The following LARP1 variants were observed in gnomAD, a reference collection of about 807,000 sequenced individuals.
LARP1 encodes La ribonucleoprotein 1, translational regulator, also known as la-related protein 1.
LARP1 carries 36 observed loss-of-function variants against 122.7 expected under a neutral mutation model. That is an observed-to-expected ratio of 0.29 (90% CI 0.22 to 0.39). LARP1 has a LOEUF of 0.39. LARP1 is among the 10% of genes least tolerant of loss of function. The pLI is 1.00. For synonymous variants in LARP1, 539 were observed against 528.7 expected, an observed-to-expected ratio of 1.02 and a Z score of -0.27; for missense variants, 1,040 against 1,403.6, an observed-to-expected ratio of 0.74 and a Z score of 4.14.
At chr5:154,692,215 G>C (rs4958384) in intron 1 of LARP1, among the ~76,000 whole-genome samples, 101,297 of 152,096 alleles carry the variant, frequency 0.67, 33,991 homozygotes, top group Non-Finnish European at 0.7. Flanking sequence ...CCAGTTTCGC[G>C]TTCTTCCCTC....
chr5:154,811,771 C>T, intron 18 of LARP1, 131 bp downstream of exon 18: 1 of 1,132,554 alleles, frequency 8.8e-7, no homozygotes, highest in Non-Finnish European at 1.3e-6. Flanking sequence ...ACAATTTGGG[C>T]TTTGCTTTTT....
intron 1 of LARP1, among the ~76,000 whole-genome samples, chr5:154,728,949 C>T (rs1218925445): frequency 6.6e-6 from 1 of 152,176 alleles, no homozygotes; most frequent in East Asian, 1.9e-4. Flanking sequence ...AATGGGCCCT[C>T]TCAGGTGCCA....
At chr5:154,728,821 C>T (rs1299854190) in intron 1 of LARP1, among the ~76,000 whole-genome samples, 2 of 152,128 alleles carry the variant, frequency 1.3e-5, no homozygotes, top group Non-Finnish European at 2.9e-5. Context: ...AGGAAGAGCT[C>T]GTTCAGGGCT....
intron 1 of LARP1, among the ~76,000 whole-genome samples, chr5:154,703,186 C>T (rs1754802055): frequency 6.6e-6 from 1 of 151,072 alleles, no homozygotes; most frequent in Non-Finnish European, 1.5e-5. Context: ...GCCTGCTTTC[C>T]CTCATTTTGT....
chr5:154,786,821 G>A (rs1756924342), intron 1 of LARP1: 2 of 172,386 alleles, frequency 1.2e-5, no homozygotes, highest in Non-Finnish European at 1.3e-5. Flanking sequence ...TCTGGCCTCA[G>A]TTCCCTGTCT....
chr5:154,686,918 A>G (rs1430710380), intron 1 of LARP1, among the ~76,000 whole-genome samples: 1 of 152,244 alleles, frequency 6.6e-6, no homozygotes, highest in Non-Finnish European at 1.5e-5. Context: ...CTTCAGGCCA[A>G]GAAGGCTGGT....
chr5:154,728,054 T>A (rs1048158998), intron 1 of LARP1, among the ~76,000 whole-genome samples: 2 of 151,964 alleles, frequency 1.3e-5, no homozygotes, highest in African/African-American at 4.8e-5. Flanking sequence ...GACAACAGAG[T>A]GAAACTGTGT....
chr5:154,758,833 C>T lies in LARP1; in HGVS notation c.436+2640C>T, dbSNP rs1298929134. Among the ~76,000 whole-genome samples, 3 of 152,274 alleles carry T rather than the reference C, an allele frequency of 2.0e-5. No homozygotes were observed. In the East Asian group the frequency reaches 5.8e-4, roughly 29 times the overall value. On this transcript the variant is annotated intron_variant, in intron 1 of 18. Coordinates refer to ENST00000518297, the MANE Select transcript of LARP1 (RefSeq NM_033551.3). ...CAGTAACTAGTAATAAAATATGTTT[C>T]GTGATATCTCTACTTTCTTGTGGGG...
intron 1 of LARP1, among the ~76,000 whole-genome samples, chr5:154,706,316 T>G (rs1317630036): frequency 1.3e-5 from 2 of 148,722 alleles, no homozygotes; most frequent in Non-Finnish European, 3.0e-5. Context: ...ATAATAATAA[T>G]AATAATAATA....
At chr5:154,778,635 C>T (rs1421569495) in intron 1 of LARP1, among the ~76,000 whole-genome samples, 2 of 152,172 alleles carry the variant, frequency 1.3e-5, no homozygotes, top group South Asian at 2.1e-4. Flanking sequence ...GGATTCTGCC[C>T]ACCCCTACCA....
chr5:154,703,765 C>T (rs528563452), intron 1 of LARP1, among the ~76,000 whole-genome samples: 7 of 152,084 alleles, frequency 4.6e-5, no homozygotes, highest in Admixed American at 1.3e-4. Flanking sequence ...GGATTACAGG[C>T]GCCCACCACC....
At chr5:154,773,734 G>A (rs1217383898) in intron 1 of LARP1, among the ~76,000 whole-genome samples, 2 of 152,174 alleles carry the variant, frequency 1.3e-5, no homozygotes, top group African/African-American at 4.8e-5. Flanking sequence ...ATGGAGGGTG[G>A]GCAAAGGCCT....
At chr5:154,764,955 G>T (rs1418696622) in intron 1 of LARP1, among the ~76,000 whole-genome samples, 1 of 151,440 alleles carries the variant, frequency 6.6e-6, no homozygotes, top group African/African-American at 2.4e-5. Flanking sequence ...AGATCTAAAT[G>T]CTTGTACCGC....
At chr5:154,789,464 A>T (rs2113762478) in intron 1 of LARP1, among the ~76,000 whole-genome samples, 1 of 151,940 alleles carries the variant, frequency 6.6e-6, no homozygotes, top group East Asian at 2.0e-4. Context: ...CGGGTGATCC[A>T]CCTGCCTTGG....
Position 154,814,707 on chromosome 5 carries a change from T to G in LARP1, c.*611T>G, listed in dbSNP as rs2113075402. On this transcript the variant is annotated 3_prime_UTR_variant, in exon 19 of 19. Coordinates refer to ENST00000518297, the MANE Select transcript of LARP1 (RefSeq NM_033551.3). ...AGAAGGAAACCAAAGGATCTAAAAC[T>G]GGGGTTTGGGGGAAGGTTTCAGCCT... 6.6e-6 allele frequency: 1 copy of G among 152,636 alleles called. No individual in the cohort carries two copies. The highest frequency in any genetic ancestry group is 1.9e-4 in the East Asian group (1 of 5,172). The allele number at this position is 152,636 out of a possible 1,614,324, so 9.5% of individuals were successfully genotyped here.
chr5:154,775,391 A>T (rs1273008611), intron 1 of LARP1, among the ~76,000 whole-genome samples: 1 of 151,624 alleles, frequency 6.6e-6, no homozygotes, highest in African/African-American at 2.4e-5. Context: ...TACTCAGGGG[A>T]CTAAGGTGGG....
At chr5:154,761,773 A>G (rs1027060438) in intron 1 of LARP1, among the ~76,000 whole-genome samples, 1 of 152,180 alleles carries the variant, frequency 6.6e-6, no homozygotes, top group African/African-American at 2.4e-5. Context: ...TGAAGGGAGA[A>G]GGTGATGGGA....
chr5:154,814,088 G>C lies in LARP1; in HGVS notation c.3283G>C (p.Gly1095Arg). Residue 1095 changes from glycine to arginine, a missense_variant, in exon 19 of 19, where the codon GGA (glycine) becomes CGA (arginine). Gly to Arg is a moderately radical substitution (Grantham distance 125). Around this residue, in one of 8 missense-constraint regions of LARP1, gnomAD observed 129 missense variants for 160.8 expected, o/e 0.80. Coordinates refer to ENST00000518297, the MANE Select transcript of LARP1 (RefSeq NM_033551.3). ...TSQHSNTQTL[G>R]K ...CCAGCACTCGAACACACAGACTTTG[G>C]GAAAGTGAAAAGCTCCTTAGCCCTG... is the stretch of plus-strand genomic sequence containing the variant. 1.9e-6 allele frequency: 3 copies of C among 1,614,136 alleles called. No homozygotes were observed. The highest frequency in any genetic ancestry group is 1.7e-6 in the Non-Finnish European group (2 of 1,180,040).
chr5:154,761,809 C>T (rs1201340515), intron 1 of LARP1, among the ~76,000 whole-genome samples: 2 of 152,198 alleles, frequency 1.3e-5, no homozygotes, highest in Non-Finnish European at 1.5e-5. Flanking sequence ...GGGCAGGGTA[C>T]TTCTCTCTGC....
Sources: allele counts gnomAD v4.1 joint callset (sites outside exome capture counted in the v4.1 genomes callset), GRCh38; gene constraint gnomAD v4.1.1; regional missense constraint gnomAD v4.1.1; transcripts MANE v1.5; gene names NCBI Gene and HGNC (gene_info 2026-07-23, HGNC 2026-07-21).